The following NAV2 variants were observed in gnomAD, a reference collection of about 807,000 sequenced individuals.
NAV2 encodes helicase, APC down-regulated 1.
In NAV2, 54 loss-of-function variants were observed where a neutral mutation model predicts 223.2. The observed-to-expected ratio is 0.24, with a 90% CI of 0.19 to 0.30. The LOEUF is 0.30. Among genes scored for constraint, NAV2 ranks in the 10% least tolerant of loss-of-function variants. The pLI, the probability that NAV2 is intolerant of heterozygous loss-of-function variation, is 1.00. For synonymous variants in NAV2, 1,279 were observed against 1,239.3 expected, an observed-to-expected ratio of 1.03 and a Z score of -0.67; for missense variants, 2,806 against 3,147.5, an observed-to-expected ratio of 0.89 and a Z score of 2.60.
chr11:19,397,424 C>CGCGCGCGCGT (rs1564904910), intron 1 of NAV2, among the ~76,000 whole-genome samples: 1 of 33,162 alleles, frequency 3.0e-5, no homozygotes, highest in African/African-American at 8.5e-5. Flanking sequence ...TGTGTGCGCG[C>CGCGCGCGCGT]ATGTGTGTGT....
rs74397275 is a variant in NAV2, at chr11:19,629,177, C to T, written c.76-203307C>T. ...CATTTCCTCGTCACATCTCTCTCTC[C>T]CACCATTTCTGAGCCCTTGCCCCAA... On this transcript the variant is annotated intron_variant, in intron 1 of 37. Coordinates refer to the NAV2 transcript ENST00000360655. Among the ~76,000 whole-genome samples, 882 of 152,154 alleles carry T rather than the reference C, an allele frequency of 5.8e-3. 11 individuals carry two copies. The highest frequency in any genetic ancestry group is 0.02 in the African/African-American group (842 of 41,506).
At chr11:19,585,737 A>G (rs537912426) in intron 1 of NAV2, among the ~76,000 whole-genome samples, 3 of 152,316 alleles carry the variant, frequency 2.0e-5, no homozygotes, top group African/African-American at 7.2e-5. Context: ...TAGAGTTTCT[A>G]CTAAGAGATC....
At chr11:19,458,427 T>G (rs1852036024) in intron 1 of NAV2, among the ~76,000 whole-genome samples, 1 of 152,216 alleles carries the variant, frequency 6.6e-6, no homozygotes, top group Non-Finnish European at 1.5e-5. Context: ...TCATGTGAAA[T>G]ATGATAAAGT....
chr11:19,830,156 C>T (rs563372710), intron 1 of NAV2, among the ~76,000 whole-genome samples: 26 of 152,148 alleles, frequency 1.7e-4, no homozygotes, highest in African/African-American at 5.1e-4. Flanking sequence ...ACCCGGGAGG[C>T]GGAGGTTGCA....
At position 19,984,130 on chromosome 11, in the gene NAV2, T is replaced by C. The variant is rs781461720; in HGVS notation, c.2651T>C (p.Met884Thr). 1 of 1,614,148 alleles carries C rather than the reference T, an allele frequency of 6.2e-7. No individual in the cohort carries two copies. Among genetic ancestry groups the C allele is most frequent in the Non-Finnish European group, 8.5e-7 (1 of 1,180,004 alleles). Residue 884 changes from methionine (M) to threonine (T), a missense_variant, in exon 11 of 38, where the codon ATG (methionine) becomes ACG (threonine). By Grantham distance (81) the Met-to-Thr change is moderately conservative (BLOSUM62 -1). This residue lies in a region of NAV2 where 1,167 missense variants were observed against 1,180.5 expected (regional missense o/e 0.99). Coordinates refer to ENST00000349880, the MANE Select transcript of NAV2 (RefSeq NM_145117.5). ...ATCTTCTTCTCCTTTTAAAGATACA[T>C]GACTGATGGTGGACTTGGCCTCTAT... ...IRTDDITSGY[M>T]TDGGLGLYTR...
At chr11:19,578,955 A>G (rs1219446980) in intron 1 of NAV2, among the ~76,000 whole-genome samples, 1 of 152,194 alleles carries the variant, frequency 6.6e-6, no homozygotes, top group Non-Finnish European at 1.5e-5. Flanking sequence ...CTCAGCTAGT[A>G]AGTGGCCTAG....
chr11:19,839,897 G>A (rs1373339611), intron 2 of NAV2, among the ~76,000 whole-genome samples: 1 of 152,218 alleles, frequency 6.6e-6, no homozygotes, highest in Non-Finnish European at 1.5e-5. Context: ...TCACAGATGA[G>A]GACTTTGGGG....
intron 3 of NAV2, 60 bp downstream of exon 3, chr11:19,842,983 A>G: frequency 7.2e-7 from 1 of 1,390,094 alleles, no homozygotes; most frequent in Non-Finnish European, 1.0e-6. Context: ...CCTCTAAGTG[A>G]TATTGACCAT....
intron 1 of NAV2, among the ~76,000 whole-genome samples, chr11:19,593,759 T>TA (rs55778365): frequency 0.97 from 147,337 of 152,256 alleles, 71,478 homozygotes; most frequent in East Asian, 1. Flanking sequence ...AGTGACACCT[T>TA]TCATGGTCTG....
intron 4 of NAV2, 94 bp from the exon 5 acceptor site, chr11:19,879,775 C>G: frequency 6.9e-7 from 1 of 1,442,956 alleles, no homozygotes; most frequent in Non-Finnish European, 9.6e-7. Context: ...CCTGTCATAT[C>G]CTAAAGAAAT....
intron 1 of NAV2, among the ~76,000 whole-genome samples, chr11:19,482,905 T>C (rs1401885217): frequency 1.3e-5 from 2 of 152,180 alleles, no homozygotes; most frequent in Admixed American, 6.5e-5. Flanking sequence ...TGTGCATGCA[T>C]GTATGGATTG....
At chr11:19,888,112 C>T (rs1449538070) in intron 5 of NAV2, among the ~76,000 whole-genome samples, 1 of 152,156 alleles carries the variant, frequency 6.6e-6, no homozygotes, top group African/African-American at 2.4e-5. Context: ...ATTGTTCCCC[C>T]ACCGCTTACA....
At chr11:19,891,702 T>C (rs1317982311) in intron 5 of NAV2, among the ~76,000 whole-genome samples, 1 of 152,206 alleles carries the variant, frequency 6.6e-6, no homozygotes, top group Non-Finnish European at 1.5e-5. Flanking sequence ...GAAGTTTTCA[T>C]TGCAAATATG....
At position 20,055,887 on chromosome 11, in the gene NAV2, C is replaced by T; in HGVS notation, c.4761C>T (p.Ser1587=). 6.2e-7 allele frequency: 1 copy of T among 1,614,206 alleles called. No individual in the cohort carries two copies. The highest frequency in any genetic ancestry group is 8.5e-7 in the Non-Finnish European group (1 of 1,180,042). ...DPYTDSRFRN[S]SMSLDEKSRT... is the part of the protein sequence containing the mutation. ...ACACTGACAGCCGCTTCCGGAATAG[C>T]TCCATGTCCCTGGATGAGAAGAGCA... Residue 1587 remains serine (S), a synonymous_variant, in exon 19 of 38, where the codon AGC becomes AGT. Transcript: ENST00000349880.
chr11:19,448,346 T>C (rs1297207347), intron 1 of NAV2, among the ~76,000 whole-genome samples: 1 of 152,194 alleles, frequency 6.6e-6, no homozygotes, highest in Admixed American at 6.5e-5. Context: ...GGCTGTTACT[T>C]CTCAGCTCCC....
chr11:19,991,122 T>G (rs1418647550), intron 11 of NAV2, among the ~76,000 whole-genome samples: 2 of 152,134 alleles, frequency 1.3e-5, no homozygotes, highest in African/African-American at 4.8e-5. Context: ...AGACAAATAT[T>G]TTATTTTTAT....
At chr11:19,740,720 A>G (rs570621524) in intron 1 of NAV2, among the ~76,000 whole-genome samples, 2 of 152,316 alleles carry the variant, frequency 1.3e-5, no homozygotes, top group South Asian at 2.1e-4. Flanking sequence ...GCAAACATTT[A>G]TTGAGTGCTT....
At chr11:19,498,239 T>C (rs912435161) in intron 1 of NAV2, among the ~76,000 whole-genome samples, 1 of 152,214 alleles carries the variant, frequency 6.6e-6, no homozygotes, top group Non-Finnish European at 1.5e-5. Context: ...TTATTACACG[T>C]GGGCCACTGA....
intron 11 of NAV2, among the ~76,000 whole-genome samples, chr11:20,011,071 G>A (rs1488231780): frequency 6.6e-6 from 1 of 152,148 alleles, no homozygotes; most frequent in Non-Finnish European, 1.5e-5. Flanking sequence ...AGGTGCTGGG[G>A]TGCAAATTCT....
Sources: allele counts gnomAD v4.1 joint callset (sites outside exome capture counted in the v4.1 genomes callset), GRCh38; gene constraint gnomAD v4.1.1; regional missense constraint gnomAD v4.1.1; transcripts MANE v1.5; gene names NCBI Gene and HGNC (gene_info 2026-07-23, HGNC 2026-07-21).